The following UIMC1 variants were observed in gnomAD, a reference collection of about 807,000 sequenced individuals.
The protein encoded by UIMC1 is ubiquitin interaction motif containing 1.
A neutral mutation model predicts 84.9 loss-of-function variants in UIMC1; 42 were observed. The observed-to-expected ratio is 0.49, with a 90% CI of 0.39 to 0.64. The LOEUF (loss-of-function observed/expected upper bound fraction) is 0.64. Ranked by LOEUF, UIMC1 falls within the 30% of genes least tolerant of loss-of-function variation. The pLI is 0.00. For synonymous variants in UIMC1, 281 were observed against 293.0 expected (o/e 0.96, Z 0.42); for missense variants, 825 against 847.6 (o/e 0.97, Z 0.33).
At chr5:176,945,496 AGAAC>A (rs1369500030) in intron 9 of UIMC1, among the ~76,000 whole-genome samples, 1 of 152,236 alleles carries the variant, frequency 6.6e-6, no homozygotes, top group Non-Finnish European at 1.5e-5. Flanking sequence ...TTGGACTGCT[AGAAC>A]GAGTCAACAG....
At chr5:176,909,114 G>C (rs1759781558) in intron 11 of UIMC1, among the ~76,000 whole-genome samples, 2 of 152,072 alleles carry the variant, frequency 1.3e-5, no homozygotes, top group Admixed American at 6.6e-5. Context: ...TTTTTACCAG[G>C]GTGGATGAAC....
intron 1 of UIMC1, among the ~76,000 whole-genome samples, chr5:177,002,426 A>T (rs1031851175): frequency 6.6e-6 from 1 of 152,234 alleles, no homozygotes; most frequent in South Asian, 2.1e-4. Flanking sequence ...TGGTACTTAC[A>T]CGGGTGTACA....
At chr5:176,987,976 T>C (rs75476723) in intron 1 of UIMC1, among the ~76,000 whole-genome samples, 1,527 of 151,336 alleles carry the variant, frequency 0.01, 14 homozygotes, top group Non-Finnish European at 0.015. Flanking sequence ...AAATACGAAA[T>C]GTAGCCAGAT....
chr5:176,984,860 A>G (rs1299609054), intron 1 of UIMC1, among the ~76,000 whole-genome samples: 4 of 152,202 alleles, frequency 2.6e-5, no homozygotes, highest in African/African-American at 9.7e-5. Context: ...GGGCAGTGCA[A>G]GATGTGCTTT....
intron 2 of UIMC1, among the ~76,000 whole-genome samples, chr5:176,978,087 G>C (rs958571904): frequency 6.6e-6 from 1 of 151,914 alleles, no homozygotes; most frequent in African/African-American, 2.4e-5. Context: ...AACTCAGTTG[G>C]TAGGCCGGGT....
intron 1 of UIMC1, among the ~76,000 whole-genome samples, chr5:177,021,046 G>C (rs944787251): frequency 6.6e-6 from 1 of 152,168 alleles, no homozygotes; most frequent in Non-Finnish European, 1.5e-5. Flanking sequence ...TTGGGAGCCC[G>C]AGGCAGGCAG....
At position 176,960,646 on chromosome 5, in the gene UIMC1, TCTCC is replaced by T. The variant is rs1767259896; in HGVS notation, c.1201-2496_1201-2493del. Among the ~76,000 whole-genome samples, 6 of 28,428 alleles carry T rather than the reference TCTCC, an allele frequency of 2.1e-4. 2 individuals carry two copies. Among genetic ancestry groups the T allele is most frequent in the Non-Finnish European group, 3.7e-4 (6 of 16,340 alleles). 18.6% of individuals were successfully genotyped at this position (28,428 alleles called of 152,430 possible). A position where few individuals can be genotyped will look rare whatever the true frequency, so the allele number is the denominator to read the frequency against. On this transcript the variant is annotated intron_variant, in intron 6 of 14. Transcript: ENST00000511320. ...CCCTCCCCCTCCGTCTCCGTCTCCG[TCTCC>T]GTCTCCGTCTCCGTCTCCCCACGGT...
chr5:176,982,151 G>A (rs933091550), intron 2 of UIMC1, among the ~76,000 whole-genome samples: 3 of 152,104 alleles, frequency 2.0e-5, no homozygotes, highest in African/African-American at 7.2e-5. Flanking sequence ...GAACATTCAC[G>A]TGTTTTTCCT....
upstream of UIMC1, among the ~76,000 whole-genome samples, chr5:177,008,616 G>A (rs1368355210): frequency 6.6e-6 from 1 of 152,136 alleles, no homozygotes; most frequent in Non-Finnish European, 1.5e-5. Context: ...CATTGGTGGT[G>A]GCAGCCATTC....
intron 1 of UIMC1, among the ~76,000 whole-genome samples, chr5:176,990,801 G>T (rs531428663): frequency 6.6e-6 from 1 of 151,776 alleles, no homozygotes. Flanking sequence ...AGCTTCCCAG[G>T]TAGGTAGGAC....
upstream of UIMC1, among the ~76,000 whole-genome samples, chr5:177,008,334 C>T (rs1775460678): frequency 6.6e-6 from 1 of 152,126 alleles, no homozygotes; most frequent in African/African-American, 2.4e-5. Flanking sequence ...GTTCATTTCT[C>T]CTGCATCCTT....
At chr5:176,930,478 C>G (rs1208031801) in intron 10 of UIMC1, among the ~76,000 whole-genome samples, 1 of 152,160 alleles carries the variant, frequency 6.6e-6, no homozygotes, top group South Asian at 2.1e-4. Flanking sequence ...AGTTCAGCTT[C>G]CTCTTTTATA....
chr5:176,974,888 G>A (rs1473298602), intron 3 of UIMC1, among the ~76,000 whole-genome samples: 1 of 152,106 alleles, frequency 6.6e-6, no homozygotes, highest in Non-Finnish European at 1.5e-5. Flanking sequence ...CTAACTGGTG[G>A]CTGTCACCTG....
At chr5:176,979,846 C>T (rs752247012) in intron 2 of UIMC1, among the ~76,000 whole-genome samples, 8 of 152,048 alleles carry the variant, frequency 5.3e-5, no homozygotes, top group Non-Finnish European at 1.0e-4. Flanking sequence ...AAGAAATACC[C>T]AGAGAACTAG....
intron 11 of UIMC1, among the ~76,000 whole-genome samples, chr5:176,909,132 A>ATC (rs1275298447): frequency 6.6e-6 from 1 of 152,252 alleles, no homozygotes. Context: ...AACTTGTCTG[A>ATC]TTAGCAAATC....
At chr5:176,985,671 C>T (rs911831973) in intron 1 of UIMC1, among the ~76,000 whole-genome samples, 2 of 152,020 alleles carry the variant, frequency 1.3e-5, no homozygotes, top group Admixed American at 6.6e-5. Context: ...GTGGCATGAT[C>T]GTAGCTCACC....
At chr5:176,938,241 A>G (rs1763954274) in intron 10 of UIMC1, among the ~76,000 whole-genome samples, 1 of 70,970 alleles carries the variant, frequency 1.4e-5, no homozygotes, top group Non-Finnish European at 3.1e-5. Flanking sequence ...CTTCCACAGT[A>G]AAAAAAAAAA....
chr5:176,955,989 T>G lies in UIMC1; in HGVS notation c.1309A>C (p.Ser437Arg). Reference sequence around the variant, plus strand: ...CAAACAGTGATTTCTTCTGCAGAACTCTCTGGCATAAGGACTAAGCTTCTC... The same window carrying G: ...CAAACAGTGATTTCTTCTGCAGAACGCTCTGGCATAAGGACTAAGCTTCTC... ...SKRSLVLMPESSAEEITVCPE... is the reference protein window; with the variant it reads ...SKRSLVLMPERSAEEITVCPE... The change falls in exon 8 of 15, where the codon AGT (serine) becomes CGT (arginine). Residue 437 changes from serine (S) to arginine (R), a missense_variant. Ser to Arg is a moderately radical substitution (Grantham distance 110). Transcript: ENST00000511320. The G allele has an allele frequency of 1.9e-6, 3 of 1,613,650 alleles. No homozygotes were observed. Among genetic ancestry groups the G allele is most frequent in the African/African-American group, 1.3e-5 (1 of 75,030 alleles).
chr5:176,916,625 G>A (rs1761009897), intron 10 of UIMC1, among the ~76,000 whole-genome samples: 1 of 152,174 alleles, frequency 6.6e-6, no homozygotes, highest in Non-Finnish European at 1.5e-5. Flanking sequence ...TACTGTAAGA[G>A]TATCCAGCCC....
Sources: gnomAD v4.1 joint callset for allele counts (sites outside exome capture counted in the v4.1 genomes callset) on GRCh38, gnomAD v4.1.1 for gene constraint, MANE v1.5 for transcripts, NCBI Gene and HGNC (gene_info 2026-07-23, HGNC 2026-07-21) for gene names.